Variants in UNC13C observed in about 807,000 individuals in gnomAD.
UNC13C encodes the protein protein unc-13 homolog C.
A neutral mutation model predicts 245.4 loss-of-function variants in UNC13C; 174 were observed. The ratio of observed to expected loss-of-function variants is 0.71; its 90% CI spans 0.63 to 0.80. UNC13C has a LOEUF of 0.80. UNC13C is among the 30% of genes least tolerant of loss of function. The pLI is 0.00. For missense variants in UNC13C, 2,829 were observed against 2,602.9 expected (o/e 1.09, Z -1.89); for synonymous variants, 992 against 895.1 (o/e 1.11, Z -1.93).
rs1295208573 is a variant in UNC13C, at chr15:54,456,215, GT to G, written c.4934-38388del. The stretch of plus-strand genomic sequence containing the variant: ...TTCTGTTCCATTGGCCTACATGCCT[GT>G]TTTTCATACCAATATCATGCTGTTT... On this transcript the variant is annotated intron_variant, in intron 19 of 32. Transcript: ENST00000260323. 3.9e-5 allele frequency among the ~76,000 whole-genome samples: 6 copies of G among 152,270 alleles called. No homozygotes were observed. The East Asian group carries it at 1.2e-3, about 29-fold the overall frequency.
At position 54,012,872 on chromosome 15, in the gene UNC13C, T is replaced by C; in HGVS notation, c.-32T>C. The C allele has an allele frequency of 6.6e-7, 1 of 1,509,720 alleles. No homozygotes were observed. The highest frequency in any genetic ancestry group is 8.9e-7 in the Non-Finnish European group (1 of 1,119,086). 93.5% of individuals were successfully genotyped at this position (1,509,720 alleles called of 1,614,324 possible). ...TCATCCTGATACTTGTTTACTTTTC[T>C]GGGGCAGAAAAGCTTGCACTAATTG... On this transcript the variant is annotated 5_prime_UTR_variant, in exon 2 of 33. Transcript: ENST00000260323.
intron 30 of UNC13C, among the ~76,000 whole-genome samples, chr15:54,596,653 T>G (rs6493692): frequency 2.0e-5 from 3 of 152,048 alleles, no homozygotes; most frequent in African/African-American, 7.2e-5. Flanking sequence ...TCCCCCAGTG[T>G]TGGAGGTGGG....
Position 54,567,956 on chromosome 15 carries a change from C to T in UNC13C, c.6106+9C>T. 1.3e-6 allele frequency: 2 copies of T among 1,520,008 alleles called. No individual in the cohort carries two copies. Among genetic ancestry groups the T allele is most frequent in the Middle Eastern group, 1.7e-4 (1 of 5,740 alleles). 94.2% of individuals were successfully genotyped at this position (1,520,008 alleles called of 1,614,324 possible). ...TACTCAAACCTCACAGAGTAAGTAA[C>T]ACATAGGACCTGAGAATAAGGTAAA... On this transcript the variant is annotated intron_variant, in intron 30 of 32. Coordinates refer to ENST00000260323, the MANE Select transcript of UNC13C (RefSeq NM_001080534.3).
intron 2 of UNC13C, among the ~76,000 whole-genome samples, chr15:54,129,556 TGATATTGTGCTAA>T (rs1394443888): frequency 2.6e-5 from 4 of 152,056 alleles, no homozygotes; most frequent in Non-Finnish European, 5.9e-5. Context: ...CTTTAATAAT[TGATATTGTGCTAA>T]GTTTTTCTAT....
At chr15:54,075,085 T>G (rs1001420845) in intron 2 of UNC13C, among the ~76,000 whole-genome samples, 3 of 152,160 alleles carry the variant, frequency 2.0e-5, no homozygotes, top group Non-Finnish European at 2.9e-5. Flanking sequence ...AATTTCTATA[T>G]CTGTAAAATA....
intron 4 of UNC13C, among the ~76,000 whole-genome samples, chr15:54,201,176 G>T (rs1209258570): frequency 1.3e-5 from 2 of 151,690 alleles, no homozygotes; most frequent in Non-Finnish European, 3.0e-5. Flanking sequence ...TAATAAAAAA[G>T]TTGCCAACAA....
chr15:53,870,664 A>G, the UNC13C span, among the ~76,000 whole-genome samples: 4 of 152,224 alleles, frequency 2.6e-5, no homozygotes, highest in South Asian at 6.2e-4. Flanking sequence ...CACCTGACAT[A>G]TGCCAGGCAA....
the UNC13C span, among the ~76,000 whole-genome samples, chr15:53,932,333 AAC>A: frequency 3.3e-5 from 5 of 149,948 alleles, no homozygotes. Context: ...CAACAACAAC[AAC>A]AACAACAAAC....
At chr15:54,249,616 C>T (rs1412762845) in intron 7 of UNC13C, among the ~76,000 whole-genome samples, 1 of 152,092 alleles carries the variant, frequency 6.6e-6, no homozygotes, top group African/African-American at 2.4e-5. Context: ...TTTCACCTCA[C>T]TAATGACTTG....
chr15:54,599,558 C>T (rs748779802), intron 30 of UNC13C, among the ~76,000 whole-genome samples: 14 of 152,014 alleles, frequency 9.2e-5, no homozygotes, highest in South Asian at 2.1e-4. Flanking sequence ...ATTTTTCCAA[C>T]GATATTTGTT....
At chr15:54,288,398 A>C (rs2037204438) in intron 10 of UNC13C, among the ~76,000 whole-genome samples, 1 of 152,116 alleles carries the variant, frequency 6.6e-6, no homozygotes, top group African/African-American at 2.4e-5. Context: ...AAAGAATGAA[A>C]AGTCATTCCA....
intron 2 of UNC13C, among the ~76,000 whole-genome samples, chr15:54,127,711 GTA>G (rs918058632): frequency 1.4e-4 from 20 of 140,046 alleles, no homozygotes; most frequent in Non-Finnish European, 2.3e-4. Flanking sequence ...GTGTGTGTGT[GTA>G]TATATATATA....
At chr15:53,942,368 CAT>C in the UNC13C span, among the ~76,000 whole-genome samples, 6 of 152,174 alleles carry the variant, frequency 3.9e-5, no homozygotes, top group East Asian at 1.9e-4. Flanking sequence ...CATATGGACA[CAT>C]GTGGGGAAAC....
rs2032860757 is a variant in UNC13C, at chr15:54,158,842, G to A, written c.3071+15158G>A. Among the ~76,000 whole-genome samples the A allele has an allele frequency of 3.3e-5, 5 of 152,008 alleles. No individual in the cohort carries two copies. The South Asian group carries it at 1.0e-3, about 32-fold the overall frequency. ...TTTAAAAAAAAAATTATGTAAAGAT[G>A]AGGTCTCACTATGCTGCCCAGGCTG... On this transcript the variant is annotated intron_variant, in intron 4 of 32. Transcript: ENST00000260323.
At chr15:53,996,510 G>C (rs1269815308) in intron 1 of UNC13C, among the ~76,000 whole-genome samples, 1 of 152,038 alleles carries the variant, frequency 6.6e-6, no homozygotes, top group Non-Finnish European at 1.5e-5. Flanking sequence ...TTACAGTGAA[G>C]TGCATATATT....
chr15:54,596,108 A>G (rs1436228795), intron 30 of UNC13C, among the ~76,000 whole-genome samples: 2 of 152,174 alleles, frequency 1.3e-5, no homozygotes, highest in Non-Finnish European at 2.9e-5. Flanking sequence ...GACTGAGTCA[A>G]GTTGAATTGG....
At chr15:54,221,667 A>C (rs1227927848) in intron 4 of UNC13C, among the ~76,000 whole-genome samples, 2 of 151,058 alleles carry the variant, frequency 1.3e-5, no homozygotes. Context: ...ATGCTAAAAA[A>C]AATAAGATTA....
chr15:54,168,584 T>C (rs2033271125), intron 4 of UNC13C, among the ~76,000 whole-genome samples: 1 of 152,192 alleles, frequency 6.6e-6, no homozygotes, highest in African/African-American at 2.4e-5. Flanking sequence ...AAAGGGTTTT[T>C]GGCCACGGTC....
chr15:53,973,646 T>C (rs1893609331), upstream of UNC13C, among the ~76,000 whole-genome samples: 1 of 151,916 alleles, frequency 6.6e-6, no homozygotes, highest in Non-Finnish European at 1.5e-5. Flanking sequence ...AAATGCTGTG[T>C]CTTTTAAAAA....
Sources: allele counts gnomAD v4.1 joint callset (sites outside exome capture counted in the v4.1 genomes callset), GRCh38; gene constraint gnomAD v4.1.1; transcripts MANE v1.5; gene names NCBI Gene and HGNC (gene_info 2026-07-23, HGNC 2026-07-21).